Variants in KBTBD11 observed in about 807,000 individuals in gnomAD.
KBTBD11 encodes kelch repeat and BTB domain-containing protein 11.
For synonymous variants in KBTBD11, 747 were observed against 499.0 expected, an observed-to-expected ratio of 1.50 and a Z score of -6.63; for missense variants, 1,390 against 1,001.8, an observed-to-expected ratio of 1.39 and a Z score of -5.23.
chr8:1,984,238 G>T (rs940453630), intron 1 of KBTBD11, among the ~76,000 whole-genome samples: 2 of 151,182 alleles, frequency 1.3e-5, no homozygotes, highest in Non-Finnish European at 1.5e-5. Context: ...GGGAGTTCGG[G>T]ACCAGCCTGG....
At chr8:1,990,020 G>A in intron 1 of KBTBD11, among the ~76,000 whole-genome samples, 1 of 145,418 alleles carries the variant, frequency 6.9e-6, no homozygotes, top group East Asian at 2.1e-4. Context: ...TTGGTCAGCT[G>A]CTAATTTTGT....
chr8:1,985,983 T>A (rs1457826118), intron 1 of KBTBD11, among the ~76,000 whole-genome samples: 1 of 152,258 alleles, frequency 6.6e-6, no homozygotes, highest in East Asian at 1.9e-4. Context: ...ACCATCTGGA[T>A]ATGAAACTGT....
chr8:1,979,221 T>A (rs1816455091), intron 1 of KBTBD11, among the ~76,000 whole-genome samples: 1 of 152,190 alleles, frequency 6.6e-6, no homozygotes, highest in South Asian at 2.1e-4. Context: ...TCCCTCCTCC[T>A]CGGGAACCTC....
At position 2,006,907 on chromosome 8, in the gene KBTBD11, A is replaced by G. The variant is rs544104582; in HGVS notation, c.*3843A>G. ...CGTATGTTTGTCAGTTCATGCCGAG[A>G]TGAAATAAATCACGCAGAAAGTGCC... On this transcript the variant is annotated 3_prime_UTR_variant, in exon 2 of 2. Transcript: ENST00000320248. The G allele has an allele frequency of 6.0e-6, 1 of 166,712 alleles. No homozygotes were observed. Among genetic ancestry groups the G allele is most frequent in the East Asian group, 1.9e-4 (1 of 5,188 alleles). The allele number at this position is 166,712 out of a possible 1,614,324, so 10.3% of individuals were successfully genotyped here. A position where few individuals can be genotyped will look rare whatever the true frequency, so the allele number is the denominator to read the frequency against.
chr8:1,984,279 G>GTT (rs71211539), intron 1 of KBTBD11, among the ~76,000 whole-genome samples: 1,839 of 98,446 alleles, frequency 0.019, 181 homozygotes, highest in Middle Eastern at 0.033. Flanking sequence ...CTCTAAAAAA[G>GTT]TTTTTTTTTT....
Position 2,000,997 on chromosome 8 carries a change from G to C in KBTBD11, c.-196G>C. 1 of 691,828 alleles carries C rather than the reference G, an allele frequency of 1.4e-6. No individual in the cohort carries two copies. The highest frequency in any genetic ancestry group is 2.0e-6 in the Non-Finnish European group (1 of 494,648). 42.9% of individuals were successfully genotyped at this position (691,828 alleles called of 1,614,324 possible). ...TCCTCGCTGGAGAGGAGAGGGCAAA[G>C]GCGAGGCGGGGGAGCAGCGTGTGAG... On this transcript the variant is annotated 5_prime_UTR_variant, in exon 2 of 2. Transcript: ENST00000320248.
Position 2,001,563 on chromosome 8 carries a change from G to A in KBTBD11, c.371G>A (p.Gly124Glu), listed in dbSNP as rs1817358999. 4.9e-6 allele frequency: 7 copies of A among 1,434,358 alleles called. No homozygotes were observed. The highest frequency in any genetic ancestry group is 6.4e-6 in the Non-Finnish European group (7 of 1,097,050). 88.9% of individuals were successfully genotyped at this position (1,434,358 alleles called of 1,614,324 possible). Residue 124 changes from glycine (G) to glutamate (E), a missense_variant, in exon 2 of 2, where the codon GGG becomes GAG. Physicochemically the swap from Gly to Glu is moderately conservative, Grantham distance 98. Coordinates refer to ENST00000320248, the MANE Select transcript of KBTBD11 (RefSeq NM_014867.3). ...LEDPASPEEPGEPAPVPPGFG... is the reference protein window; with the variant it reads ...LEDPASPEEPEEPAPVPPGFG... ...GACCCCGCGTCCCCCGAGGAGCCCG[G>A]GGAGCCCGCGCCCGTACCCCCGGGG...
At chr8:1,993,360 TCCATCCGTCC>T (rs1816990063) in intron 1 of KBTBD11, among the ~76,000 whole-genome samples, 1 of 93,874 alleles carries the variant, frequency 1.1e-5, no homozygotes, top group African/African-American at 3.1e-5. Flanking sequence ...CATCCATCGG[TCCATCCGTCC>T]GTCCGTCCGT....
Position 1,985,239 on chromosome 8 carries a change from G to T in KBTBD11, c.-909+11304G>T, listed in dbSNP as rs562086131. ...GAGAGCACCTCGTGAGGTGTCCACT[G>T]GTGGAGCCCACACAGACCTTGGTGA... On this transcript the variant is annotated intron_variant, in intron 1 of 1. Coordinates refer to ENST00000320248, the MANE Select transcript of KBTBD11 (RefSeq NM_014867.3). 5.3e-5 allele frequency among the ~76,000 whole-genome samples: 8 copies of T among 152,250 alleles called. No individual in the cohort carries two copies. The South Asian group carries it at 1.4e-3, about 28-fold the overall frequency.
In KBTBD11 at chr8:1,987,042, A is replaced by C. The variant is rs549587338; in HGVS notation, c.-909+13107A>C. 3.4e-5 allele frequency among the ~76,000 whole-genome samples: 5 copies of C among 147,226 alleles called. No homozygotes were observed. In the South Asian group the frequency reaches 6.5e-4, roughly 19 times the overall value. On this transcript the variant is annotated intron_variant, in intron 1 of 1. Coordinates refer to ENST00000320248, the MANE Select transcript of KBTBD11 (RefSeq NM_014867.3). The stretch of plus-strand genomic sequence containing the variant: ...AAAAAAAAAAAAAAAAACCACGCAC[A>C]CACACACACAAAGAAGGAACCTGAA...
intron 1 of KBTBD11, among the ~76,000 whole-genome samples, chr8:1,993,483 ATCCG>A (rs1817002716): frequency 6.8e-5 from 6 of 88,274 alleles, no homozygotes; most frequent in Admixed American, 5.0e-4. Context: ...CCATCCATCT[ATCCG>A]TCCATCCGTC....
intron 1 of KBTBD11, among the ~76,000 whole-genome samples, chr8:1,986,828 C>G (rs897178380): frequency 6.6e-6 from 1 of 152,022 alleles, no homozygotes; most frequent in Non-Finnish European, 1.5e-5. Flanking sequence ...AGATTTAATA[C>G]ATGTTATCGT....
At chr8:1,994,563 A>G (rs1025895920) in intron 1 of KBTBD11, among the ~76,000 whole-genome samples, 3 of 152,228 alleles carry the variant, frequency 2.0e-5, no homozygotes, top group Non-Finnish European at 4.4e-5. Context: ...TAAAATGCAT[A>G]TTGATGAAAT....
Position 2,001,481 on chromosome 8 carries a change from C to T in KBTBD11, c.289C>T (p.Arg97Cys), listed in dbSNP as rs967730139. The change falls in exon 2 of 2, where the codon CGC becomes TGC. Residue 97 changes from arginine (R) to cysteine (C), a missense_variant. Coordinates refer to ENST00000320248, the MANE Select transcript of KBTBD11 (RefSeq NM_014867.3). Reference sequence around the variant, plus strand: ...GGAGGAGCTCGCGTCCCCTGAGGAGCGCGCGTGCCCGGAAGAGCCCGCGGC... The same window carrying T: ...GGAGGAGCTCGCGTCCCCTGAGGAGTGCGCGTGCCCGGAAGAGCCCGCGGC... ...SPEELASPEE[R>C]ACPEEPAAPS... The T allele has an allele frequency of 7.0e-5, 97 of 1,377,952 alleles. No homozygotes were observed. The highest frequency in any genetic ancestry group is 2.6e-4 in the Middle Eastern group (1 of 3,810). 85.4% of individuals were successfully genotyped at this position (1,377,952 alleles called of 1,614,324 possible).
chr8:2,001,290 C>G lies in KBTBD11; in HGVS notation c.98C>G (p.Thr33Arg), dbSNP rs1421501439. The G allele has an allele frequency of 6.6e-7, 1 of 1,524,032 alleles. No homozygotes were observed. Among genetic ancestry groups the G allele is most frequent in the Non-Finnish European group, 8.7e-7 (1 of 1,143,938 alleles). 94.4% of individuals were successfully genotyped at this position (1,524,032 alleles called of 1,614,324 possible). ...ESEGAASPAQ[T>R]PCSLGASLCF... is the part of the protein sequence containing the mutation. ...GAGGGCGCCGCGTCCCCGGCGCAGA[C>G]ACCCTGCAGTCTCGGCGCGTCCCTG... Residue 33 changes from threonine (T) to arginine (R), a missense_variant, in exon 2 of 2, where the codon ACA (threonine) becomes AGA (arginine). Thr to Arg is a moderately conservative substitution (Grantham distance 71, BLOSUM62 -1). Coordinates refer to ENST00000320248, the MANE Select transcript of KBTBD11 (RefSeq NM_014867.3).
chr8:1,986,160 T>C (rs1474263070), intron 1 of KBTBD11, among the ~76,000 whole-genome samples: 1 of 152,238 alleles, frequency 6.6e-6, no homozygotes, highest in East Asian at 1.9e-4. Flanking sequence ...TTGGCCACGT[T>C]GTGCTTGCCT....
rs189553412 is a variant in KBTBD11 at position 1,984,734 on chromosome 8, A to C, written c.-909+10799A>C. Among the ~76,000 whole-genome samples, 850 of 152,302 alleles carry C rather than the reference A, an allele frequency of 5.6e-3. 5 individuals are homozygous for C. Among genetic ancestry groups the C allele is most frequent in the South Asian group, 0.016 (77 of 4,826 alleles). ...CTCATAGCATTTGGGCAGATGTGGCAGACTTTTGAAACAAACTGTGATTAG... is the reference window on the plus strand; with the variant it reads ...CTCATAGCATTTGGGCAGATGTGGCCGACTTTTGAAACAAACTGTGATTAG... On this transcript the variant is annotated intron_variant, in intron 1 of 1. Transcript: ENST00000320248.
intron 1 of KBTBD11, among the ~76,000 whole-genome samples, chr8:1,982,357 A>G (rs1816565786): frequency 6.6e-6 from 1 of 152,154 alleles, no homozygotes; most frequent in African/African-American, 2.4e-5. Context: ...GACCTACAAA[A>G]CAACCAGAAA....
At chr8:1,983,125 T>C (rs1306777651) in intron 1 of KBTBD11, among the ~76,000 whole-genome samples, 1 of 152,188 alleles carries the variant, frequency 6.6e-6, no homozygotes, top group Non-Finnish European at 1.5e-5. Flanking sequence ...AGTGACCTGC[T>C]AGAGGCCATG....
Sources: allele counts gnomAD v4.1 joint callset (sites outside exome capture counted in the v4.1 genomes callset), GRCh38; gene constraint gnomAD v4.1.1; transcripts MANE v1.5; gene names NCBI Gene and HGNC (gene_info 2026-07-23, HGNC 2026-07-21).